The following EYS variants were observed in gnomAD, a reference collection of about 807,000 sequenced individuals.
EYS encodes the protein protein eyes shut homolog.
In EYS, 250 loss-of-function variants were observed where a neutral mutation model predicts 282.1. That is an observed-to-expected ratio of 0.89 (90% CI 0.80 to 0.98). EYS has a LOEUF of 0.98. Among genes scored for constraint, EYS ranks in the 50% least tolerant of loss-of-function variants. EYS has a pLI of 0.00. For synonymous variants in EYS, 1,355 were observed against 1,282.9 expected, an observed-to-expected ratio of 1.06 and a Z score of -1.20; for missense variants, 4,016 against 3,709.0, an observed-to-expected ratio of 1.08 and a Z score of -2.15.
chr6:65,531,938 C>T (rs16896773), intron 2 of EYS, among the ~76,000 whole-genome samples: 1 of 152,040 alleles, frequency 6.6e-6, no homozygotes, highest in South Asian at 2.1e-4. Flanking sequence ...ATTCTTTGAA[C>T]CTAGAAGGGA....
At chr6:64,793,656 T>C (rs1774258814) in intron 22 of EYS, among the ~76,000 whole-genome samples, 1 of 152,228 alleles carries the variant, frequency 6.6e-6, no homozygotes, top group Non-Finnish European at 1.5e-5. Context: ...GTTTCAGGAA[T>C]AAATATTCCA....
At chr6:64,557,326 T>C (rs556113294) in intron 26 of EYS, among the ~76,000 whole-genome samples, 14 of 152,056 alleles carry the variant, frequency 9.2e-5, no homozygotes, top group Middle Eastern at 3.4e-3. Flanking sequence ...ATTACAAGTT[T>C]GGTGACTGGG....
At chr6:65,175,551 G>C (rs1765204562) in intron 12 of EYS, among the ~76,000 whole-genome samples, 1 of 151,430 alleles carries the variant, frequency 6.6e-6, no homozygotes, top group Admixed American at 6.6e-5. Context: ...AGAAAAGAGT[G>C]TTGTTTGTGG....
intron 35 of EYS, among the ~76,000 whole-genome samples, chr6:63,964,365 T>A (rs1349418197): frequency 6.6e-6 from 1 of 152,190 alleles, no homozygotes; most frequent in African/African-American, 2.4e-5. Flanking sequence ...AGTATATGCA[T>A]ACAAAACATC....
chr6:64,559,596 T>C (rs1480722156), intron 26 of EYS, among the ~76,000 whole-genome samples: 1 of 152,132 alleles, frequency 6.6e-6, no homozygotes, highest in Non-Finnish European at 1.5e-5. Context: ...CTATATGATG[T>C]ATGTTTGAAC....
intron 31 of EYS, among the ~76,000 whole-genome samples, chr6:64,196,672 C>A (rs1446686798): frequency 2.7e-5 from 4 of 147,954 alleles, no homozygotes; most frequent in Admixed American, 2.1e-4. Context: ...CATGTTCTCA[C>A]TCATAGATGG....
At position 63,721,782 on chromosome 6, in the gene EYS, A is replaced by G; in HGVS notation, c.8249T>C (p.Ile2750Thr). 6.5e-7 allele frequency: 1 copy of G among 1,542,558 alleles called. No homozygotes were observed. The highest frequency in any genetic ancestry group is 8.8e-7 in the Non-Finnish European group (1 of 1,142,380). ...LKAQSGDFLCISLVNSSVQLR... is the reference protein window; with the variant it reads ...LKAQSGDFLCTSLVNSSVQLR... ...TTGAACGGAACTATTTACTAAAGAG[A>G]TGCATAAAAAATCACCTGCAAGAAA... The change falls in exon 43 of 43, where the codon ATC becomes ACC. Residue 2750 changes from isoleucine to threonine, a missense_variant. Physicochemically the swap from Ile to Thr is moderately conservative, Grantham distance 89. Transcript: ENST00000503581.
At chr6:64,264,730 T>G (rs1436183320) in intron 30 of EYS, among the ~76,000 whole-genome samples, 3 of 151,968 alleles carry the variant, frequency 2.0e-5, no homozygotes, top group African/African-American at 7.3e-5. Flanking sequence ...GACAACAAGG[T>G]GAAACCCCAT....
At chr6:65,667,133 C>G (rs915898171) in intron 1 of EYS, among the ~76,000 whole-genome samples, 3 of 151,766 alleles carry the variant, frequency 2.0e-5, no homozygotes, top group Admixed American at 2.0e-4. Context: ...TGACTACTGC[C>G]CTATCTCCTA....
At chr6:64,353,660 C>A (rs1771723934) in intron 29 of EYS, among the ~76,000 whole-genome samples, 1 of 151,634 alleles carries the variant, frequency 6.6e-6, no homozygotes, top group African/African-American at 2.4e-5. Context: ...AATTATCAAA[C>A]ATTTAACAAC....
At chr6:64,359,800 C>T (rs1289827137) in intron 29 of EYS, among the ~76,000 whole-genome samples, 1 of 151,668 alleles carries the variant, frequency 6.6e-6, no homozygotes, top group Non-Finnish European at 1.5e-5. Flanking sequence ...TATCACCTCA[C>T]TGAACATTGG....
intron 22 of EYS, among the ~76,000 whole-genome samples, chr6:64,722,392 G>A (rs951885559): frequency 3.3e-5 from 5 of 151,980 alleles, no homozygotes. Flanking sequence ...AACAGAGTAT[G>A]GGAAATGGTC....
At chr6:64,721,480 G>A (rs1275925580) in intron 22 of EYS, among the ~76,000 whole-genome samples, 2 of 152,140 alleles carry the variant, frequency 1.3e-5, no homozygotes, top group Non-Finnish European at 2.9e-5. Context: ...TTTATTCTTT[G>A]AGAACATTAA....
intron 19 of EYS, among the ~76,000 whole-genome samples, chr6:64,873,880 AT>A (rs1202114274): frequency 1.3e-5 from 2 of 151,968 alleles, no homozygotes; most frequent in African/African-American, 2.4e-5. Flanking sequence ...AATGTGGCAC[AT>A]TTTTTTCTTT....
At chr6:64,992,760 C>T (rs72875965) in intron 14 of EYS, among the ~76,000 whole-genome samples, 1 of 151,840 alleles carries the variant, frequency 6.6e-6, no homozygotes, top group Non-Finnish European at 1.5e-5. Context: ...TGTGATTAAG[C>T]AAATCTTTAT....
intron 12 of EYS, among the ~76,000 whole-genome samples, chr6:65,251,697 A>G (rs1767328001): frequency 6.6e-6 from 1 of 151,954 alleles, no homozygotes; most frequent in Admixed American, 6.6e-5. Context: ...CAGTGAATTT[A>G]CCATTTTTTC....
chr6:64,792,084 T>C (rs762127384), intron 22 of EYS, among the ~76,000 whole-genome samples: 2 of 151,942 alleles, frequency 1.3e-5, no homozygotes, highest in Admixed American at 6.6e-5. Context: ...TTCCTTATAA[T>C]GACTGACTCA....
intron 30 of EYS, among the ~76,000 whole-genome samples, chr6:64,244,736 G>A (rs1766952472): frequency 6.6e-6 from 1 of 152,026 alleles, no homozygotes; most frequent in South Asian, 2.1e-4. Context: ...TCTCTTCACA[G>A]CTTTGTCTAA....
At chr6:65,426,017 A>G (rs1464569350) in intron 5 of EYS, among the ~76,000 whole-genome samples, 3 of 152,108 alleles carry the variant, frequency 2.0e-5, no homozygotes, top group Admixed American at 6.6e-5. Flanking sequence ...ACTCTGTCCC[A>G]TAAGCTAGAG....
Sources: gnomAD v4.1 joint callset for allele counts (sites outside exome capture counted in the v4.1 genomes callset) on GRCh38, gnomAD v4.1.1 for gene constraint, MANE v1.5 for transcripts, NCBI Gene and HGNC (gene_info 2026-07-23, HGNC 2026-07-21) for gene names.